The following GCNT2 variants were observed in gnomAD, a reference collection of about 807,000 sequenced individuals.
GCNT2 encodes glucosaminyl (N-acetyl) transferase 2 (I blood group).
In GCNT2, 34 loss-of-function variants were observed where a neutral mutation model predicts 34.2. The observed-to-expected ratio is 1.00, with a 90% CI of 0.76 to 1.32. The LOEUF (loss-of-function observed/expected upper bound fraction) is 1.32, where lower values mean the gene tolerates loss of function less well. Ranked by LOEUF, GCNT2 falls within the 40% of genes most tolerant of loss-of-function variation. GCNT2 has a pLI of 0.00. For missense variants in GCNT2, 584 were observed against 489.4 expected (o/e 1.19, Z -1.82); for synonymous variants, 212 against 188.0 (o/e 1.13, Z -1.04).
Position 10,528,659 on chromosome 6 carries a change from G to A in GCNT2, c.-253G>A. The A allele has an allele frequency of 1.8e-6, 1 of 549,960 alleles. No homozygotes were observed. The highest frequency in any genetic ancestry group is 3.3e-6 in the Non-Finnish European group (1 of 307,520). 34.1% of individuals were successfully genotyped at this position (549,960 alleles called of 1,614,324 possible). On this transcript the variant is annotated 5_prime_UTR_variant, in exon 3 of 5. Coordinates refer to ENST00000495262, the MANE Select transcript of GCNT2 (RefSeq NM_145649.5). ...CAGGTTGCAGGTTAGCAGGAGAACA[G>A]GCAAGCCAAATGCAAAGGAGCCACT...
At chr6:10,556,646 T>C in intron 3 of GCNT2, 1 of 1,614,044 alleles carries the variant, frequency 6.2e-7, no homozygotes, top group Non-Finnish European at 8.5e-7. Context: ...TTGCAAGGAA[T>C]ACTTGACCCA....
intron 3 of GCNT2, among the ~76,000 whole-genome samples, chr6:10,595,764 T>G (rs1353836300): frequency 1.3e-5 from 2 of 152,238 alleles, no homozygotes; most frequent in African/African-American, 4.8e-5. Context: ...AGTGTTTGGC[T>G]TCCTCAGTGT....
At chr6:10,526,382 ATGGGG>A (rs1450172494) in intron 1 of GCNT2, among the ~76,000 whole-genome samples, 2 of 152,112 alleles carry the variant, frequency 1.3e-5, no homozygotes, top group Non-Finnish European at 2.9e-5. Flanking sequence ...ACACCGTGAA[ATGGGG>A]TTGGCTGCCG....
chr6:10,561,640 A>G (rs1225242383), intron 3 of GCNT2, among the ~76,000 whole-genome samples: 2 of 152,166 alleles, frequency 1.3e-5, no homozygotes, highest in African/African-American at 4.8e-5. Context: ...TTTCGTCTCT[A>G]AGGAACAGAG....
At chr6:10,570,493 G>A (rs1763509831) in intron 3 of GCNT2, among the ~76,000 whole-genome samples, 1 of 152,174 alleles carries the variant, frequency 6.6e-6, no homozygotes, top group Non-Finnish European at 1.5e-5. Context: ...TCTTTCCCGA[G>A]TAAGCTGGAG....
At chr6:10,543,330 G>A (rs550962) in intron 3 of GCNT2, among the ~76,000 whole-genome samples, 66,854 of 151,646 alleles carry the variant, frequency 0.44, 17,430 homozygotes, top group African/African-American at 0.74. Context: ...CTGGGACTAC[G>A]GGAGCACACC....
chr6:10,542,890 A>ATTTT (rs1554127845), intron 3 of GCNT2, among the ~76,000 whole-genome samples: 8 of 107,468 alleles, frequency 7.4e-5, no homozygotes, highest in African/African-American at 1.8e-4. Flanking sequence ...CCCTATGTTA[A>ATTTT]TTCTTTTTTT....
At chr6:10,541,376 G>A (rs1561787136) in intron 3 of GCNT2, among the ~76,000 whole-genome samples, 1 of 152,124 alleles carries the variant, frequency 6.6e-6, no homozygotes, top group Non-Finnish European at 1.5e-5. Flanking sequence ...ATATTCTATG[G>A]CGTATATATA....
chr6:10,539,259 G>A (rs1046770071), intron 3 of GCNT2, among the ~76,000 whole-genome samples: 9 of 140,628 alleles, frequency 6.4e-5, no homozygotes, highest in African/African-American at 1.9e-4. Flanking sequence ...GTGCGATCTC[G>A]GCCCACTGCA....
intron 1 of GCNT2, among the ~76,000 whole-genome samples, chr6:10,525,672 G>T (rs114450891): frequency 0.016 from 2,500 of 152,276 alleles, 70 homozygotes; most frequent in African/African-American, 0.057. Context: ...CATTGTCAAA[G>T]ATACTATTTT....
chr6:10,572,567 C>A (rs961706036), intron 3 of GCNT2, among the ~76,000 whole-genome samples: 4 of 151,978 alleles, frequency 2.6e-5, no homozygotes, highest in African/African-American at 7.3e-5. Context: ...CCCATCTCTA[C>A]TAAAAATACA....
intron 3 of GCNT2, chr6:10,555,718 T>A (rs1036941327): frequency 1.0e-6 from 1 of 985,376 alleles, no homozygotes; most frequent in African/African-American, 1.7e-5. Flanking sequence ...CCTCCTCCAG[T>A]AAGCTCTTGT....
chr6:10,526,106 T>C (rs1031240190), intron 1 of GCNT2, among the ~76,000 whole-genome samples: 1 of 152,230 alleles, frequency 6.6e-6, no homozygotes, highest in Non-Finnish European at 1.5e-5. Flanking sequence ...AGAGAAATTT[T>C]AGTCATTTCA....
At chr6:10,576,812 G>A (rs1172756995) in intron 3 of GCNT2, among the ~76,000 whole-genome samples, 2 of 152,190 alleles carry the variant, frequency 1.3e-5, no homozygotes, top group African/African-American at 4.8e-5. Flanking sequence ...AGTGGCTCAA[G>A]CCTGTAATCC....
chr6:10,613,374 T>C (rs764781816), intron 3 of GCNT2, among the ~76,000 whole-genome samples: 33 of 147,628 alleles, frequency 2.2e-4, no homozygotes, highest in Non-Finnish European at 4.1e-4. Context: ...TCAGATAATA[T>C]TGACTTTTTT....
chr6:10,607,683 CCTAACTTACAGACATTTGGGGGGT>C (rs60666381), intron 3 of GCNT2, among the ~76,000 whole-genome samples: 22,851 of 152,060 alleles, frequency 0.15, 2,279 homozygotes, highest in Non-Finnish European at 0.22. Flanking sequence ...TTAGAAAAGC[CCTAACTTACAGACATTTGGGGGGT>C]CTTATTGGTA....
chr6:10,597,717 C>A (rs1445775807), intron 3 of GCNT2, among the ~76,000 whole-genome samples: 1 of 152,064 alleles, frequency 6.6e-6, no homozygotes, highest in African/African-American at 2.4e-5. Context: ...TCACCTTGTC[C>A]TCCCAGAGTG....
rs563973615 is a variant in GCNT2 at position 10,607,092 on chromosome 6, G to A, written c.926-14259G>A. 3.9e-5 allele frequency among the ~76,000 whole-genome samples: 6 copies of A among 152,086 alleles called. No individual in the cohort carries two copies. The East Asian group carries it at 1.2e-3, about 29-fold the overall frequency. On this transcript the variant is annotated intron_variant, in intron 3 of 4. Transcript: ENST00000495262. ...CTCCCAAATAGCTGGGATTACAGGG[G>A]TGCACCACCACACCCAGCTAATTTT...
In GCNT2 at chr6:10,529,160, T is replaced by A. The variant is rs746662561; in HGVS notation, c.249T>A (p.Tyr83Ter). 6.2e-7 allele frequency: 1 copy of A among 1,614,186 alleles called. No homozygotes were observed. The highest frequency in any genetic ancestry group is 8.5e-7 in the Non-Finnish European group (1 of 1,180,008). ...TCYEYMVRSHYVTETLSEEEA... is the reference protein window; with the variant it reads ...TCYEYMVRSH Reference sequence around the variant, plus strand: ...ATGAGTACATGGTTCGAAGCCACTATGTAACAGAAACACTCTCTGAAGAAG... The same window carrying A: ...ATGAGTACATGGTTCGAAGCCACTAAGTAACAGAAACACTCTCTGAAGAAG... The change falls in exon 3 of 5, where the codon TAT becomes TAA. Residue 83 changes from tyrosine (Y) to a stop codon, truncating the protein, a stop_gained. Transcript: ENST00000495262. LOFTEE classifies it high-confidence loss of function.
Sources: gnomAD v4.1 joint callset for allele counts (sites outside exome capture counted in the v4.1 genomes callset) on GRCh38, gnomAD v4.1.1 for gene constraint, MANE v1.5 for transcripts, NCBI Gene and HGNC (gene_info 2026-07-23, HGNC 2026-07-21) for gene names.